Variants in PLD5 observed in about 807,000 individuals in gnomAD.
PLD5 encodes inactive phospholipase D5.
A neutral mutation model predicts 61.1 loss-of-function variants in PLD5; 36 were observed. The observed-to-expected ratio is 0.59, with a 90% CI of 0.45 to 0.78. PLD5 has a LOEUF of 0.78. Ranked by LOEUF, PLD5 falls within the 30% of genes least tolerant of loss-of-function variation. PLD5 has a pLI of 0.00. For synonymous variants in PLD5, 243 were observed against 242.8 expected (o/e 1.00, Z -0.01); for missense variants, 515 against 644.4 (o/e 0.80, Z 2.17).
intron 1 of PLD5, among the ~76,000 whole-genome samples, chr1:242,351,980 C>T (rs1660502855): frequency 6.6e-6 from 1 of 152,054 alleles, no homozygotes; most frequent in Admixed American, 6.5e-5. Context: ...TTATAAGGTA[C>T]AAAGTGATTT....
At chr1:242,129,613 C>G (rs887020411) in intron 5 of PLD5, among the ~76,000 whole-genome samples, 2 of 152,172 alleles carry the variant, frequency 1.3e-5, no homozygotes, top group African/African-American at 4.8e-5. Flanking sequence ...GGAAAAGAAG[C>G]TGAAGGTCTG....
chr1:242,252,021 A>C (rs74152303), intron 4 of PLD5, among the ~76,000 whole-genome samples: 1,572 of 152,290 alleles, frequency 0.01, 24 homozygotes, highest in African/African-American at 0.036. Flanking sequence ...TGGAGAGGAA[A>C]GATGTTGGTT....
At chr1:242,358,109 T>C (rs1351664307) in intron 1 of PLD5, among the ~76,000 whole-genome samples, 1 of 152,170 alleles carries the variant, frequency 6.6e-6, no homozygotes. Flanking sequence ...TTTCTATTTC[T>C]TTGTCAAACT....
At chr1:242,264,082 C>G (rs1354097941) in intron 4 of PLD5, among the ~76,000 whole-genome samples, 1 of 149,358 alleles carries the variant, frequency 6.7e-6, no homozygotes, top group African/African-American at 2.4e-5. Context: ...AATACAGGAC[C>G]CTCGGTTAAC....
chr1:242,331,679 T>C (rs1659181194), intron 2 of PLD5, among the ~76,000 whole-genome samples: 1 of 152,192 alleles, frequency 6.6e-6, no homozygotes, highest in Non-Finnish European at 1.5e-5. Flanking sequence ...GATTCACACA[T>C]AAATTGAGTG....
chr1:242,229,839 C>A (rs2494917), intron 4 of PLD5, among the ~76,000 whole-genome samples: 2 of 150,734 alleles, frequency 1.3e-5, no homozygotes, highest in African/African-American at 2.4e-5. Flanking sequence ...AATTTTATTT[C>A]TTCTATTCCA....
rs774998582 is a variant in PLD5, at chr1:242,290,660, AAAG to A, written c.327-2133_327-2131del. On this transcript the variant is annotated intron_variant, in intron 2 of 9. Coordinates refer to ENST00000536534, the MANE Select transcript of PLD5 (RefSeq NM_001372062.1). The stretch of plus-strand genomic sequence containing the variant: ...AGCGCTGCAATAGACCAGGGGAAAA[AAAG>A]AAGCTTGAATTTGGTCAGTGAGAAT... Among the ~76,000 whole-genome samples the A allele has an allele frequency of 2.0e-5, 3 of 152,112 alleles. No individual in the cohort carries two copies. The East Asian group carries it at 5.8e-4, about 29-fold the overall frequency.
At chr1:242,472,128 G>A (rs949356500) in intron 1 of PLD5, among the ~76,000 whole-genome samples, 2 of 152,176 alleles carry the variant, frequency 1.3e-5, no homozygotes, top group Non-Finnish European at 2.9e-5. Flanking sequence ...GTTCATGGAA[G>A]GGCAGGTGTT....
chr1:242,255,355 T>C (rs1229164964), intron 4 of PLD5, among the ~76,000 whole-genome samples: 1 of 152,258 alleles, frequency 6.6e-6, no homozygotes, highest in African/African-American at 2.4e-5. Context: ...GGAATAATTA[T>C]AAAGCAGTAA....
chr1:242,123,188 CT>C (rs1386184649), intron 6 of PLD5, among the ~76,000 whole-genome samples: 1 of 152,096 alleles, frequency 6.6e-6, no homozygotes, highest in African/African-American at 2.4e-5. Flanking sequence ...TTTAAGCAAA[CT>C]GATGTATGAT....
At chr1:242,346,024 C>CA (rs1473477917) in intron 2 of PLD5, among the ~76,000 whole-genome samples, 2 of 62,858 alleles carry the variant, frequency 3.2e-5, no homozygotes, top group African/African-American at 1.4e-4. Context: ...CCCCCCCCCC[C>CA]ATATATACAA....
chr1:242,480,356 A>T (rs1269702073), intron 1 of PLD5, among the ~76,000 whole-genome samples: 1 of 152,212 alleles, frequency 6.6e-6, no homozygotes, highest in African/African-American at 2.4e-5. Context: ...CACATACAAG[A>T]ATTAAAATGA....
chr1:242,457,219 A>G (rs528812643), intron 1 of PLD5, among the ~76,000 whole-genome samples: 10 of 152,340 alleles, frequency 6.6e-5, no homozygotes, highest in Non-Finnish European at 1.2e-4. Context: ...CATATTAAAC[A>G]TATTACTGGT....
chr1:242,493,664 G>T (rs1359776377), intron 1 of PLD5, among the ~76,000 whole-genome samples: 1 of 152,084 alleles, frequency 6.6e-6, no homozygotes, highest in East Asian at 1.9e-4. Context: ...GAGCTGCCAG[G>T]ATGGGCCCTG....
intron 5 of PLD5, among the ~76,000 whole-genome samples, chr1:242,134,400 T>A (rs74708819): frequency 6.6e-4 from 100 of 151,324 alleles, no homozygotes; most frequent in East Asian, 3.3e-3. Flanking sequence ...TTTTTTTTTT[T>A]AATAAATAAT....
intron 5 of PLD5, among the ~76,000 whole-genome samples, chr1:242,214,854 G>T (rs2653200): frequency 6.9e-6 from 1 of 145,538 alleles, no homozygotes; most frequent in Non-Finnish European, 1.5e-5. Context: ...GAGTCCACTC[G>T]ATATGTCATT....
intron 9 of PLD5, among the ~76,000 whole-genome samples, chr1:242,096,194 G>A (rs942998146): frequency 7.9e-5 from 12 of 152,096 alleles, no homozygotes; most frequent in African/African-American, 2.4e-4. Flanking sequence ...TCTTGACTTC[G>A]TGATCCGCCT....
chr1:242,348,348 C>T (rs878875911), intron 1 of PLD5, 106 bp from the exon 2 acceptor site: 24 of 1,218,552 alleles, frequency 2.0e-5, no homozygotes, highest in Non-Finnish European at 2.1e-5. Context: ...GGTGGGGATA[C>T]GATTATCACT....
chr1:242,507,303 AC>A (rs1668760223), intron 1 of PLD5, among the ~76,000 whole-genome samples: 1 of 152,180 alleles, frequency 6.6e-6, no homozygotes, highest in South Asian at 2.1e-4. Flanking sequence ...CTCATATGGT[AC>A]TTCATAAACT....
Sources: gnomAD v4.1 joint callset for allele counts (sites outside exome capture counted in the v4.1 genomes callset) on GRCh38, gnomAD v4.1.1 for gene constraint, MANE v1.5 for transcripts, NCBI Gene and HGNC (gene_info 2026-07-23, HGNC 2026-07-21) for gene names.